The following BMP1 variants were observed in gnomAD, a reference collection of about 807,000 sequenced individuals.
The protein encoded by BMP1 is mammalian tolloid protein.
BMP1 carries 63 observed loss-of-function variants against 116.8 expected under a neutral mutation model. The observed-to-expected ratio is 0.54, with a 90% CI of 0.44 to 0.67. BMP1 has a LOEUF of 0.67. Among genes scored for constraint, BMP1 ranks in the 30% least tolerant of loss-of-function variants. BMP1 has a pLI of 0.00. For synonymous variants in BMP1, 536 were observed against 533.4 expected (o/e 1.00, Z -0.07); for missense variants, 1,183 against 1,358.9 (o/e 0.87, Z 2.04).
chr8:22,190,087 A>AT (rs932509274), intron 8 of BMP1, among the ~76,000 whole-genome samples: 40 of 150,684 alleles, frequency 2.7e-4, no homozygotes, highest in Admixed American at 6.0e-4. Context: ...CACCTGGCTA[A>AT]TTTTTTTTTG....
At chr8:22,189,460 A>T (rs1828869599) in intron 8 of BMP1, among the ~76,000 whole-genome samples, 1 of 146,082 alleles carries the variant, frequency 6.8e-6, no homozygotes, top group Admixed American at 7.1e-5. Context: ...ACACACACAC[A>T]CATATCTTAT....
chr8:22,200,694 C>T (rs1396317150), intron 15 of BMP1, among the ~76,000 whole-genome samples: 4 of 152,028 alleles, frequency 2.6e-5, no homozygotes, highest in Admixed American at 1.3e-4. Context: ...GGTGTATTTG[C>T]GAGTGCGTGT....
At chr8:22,195,366 G>A in intron 12 of BMP1, 96 bp from the exon 13 acceptor site, 1 of 1,464,458 alleles carries the variant, frequency 6.8e-7, no homozygotes, top group Non-Finnish European at 9.1e-7. Flanking sequence ...TCGGGGAGCT[G>A]GGTGGGTCTT....
Position 22,191,878 on chromosome 8 carries a change from A to C in BMP1, c.1078-171A>C, listed in dbSNP as rs558171243. ...TAGGAAGAAAGCTGACCATACACAGACAACTGTGGAGGAGGGGCGGTTCTG... is the reference window on the plus strand; with the variant it reads ...TAGGAAGAAAGCTGACCATACACAGCCAACTGTGGAGGAGGGGCGGTTCTG... On this transcript the variant is annotated intron_variant, in intron 8 of 19. Transcript: ENST00000306385. 5.9e-5 allele frequency among the ~76,000 whole-genome samples: 9 copies of C among 152,320 alleles called. No homozygotes were observed. In the East Asian group the frequency reaches 1.4e-3, roughly 23 times the overall value.
chr8:22,195,542 T>C lies in BMP1; in HGVS notation c.1720T>C (p.Cys574Arg). The change falls in exon 13 of 20, where the codon TGT (cysteine) becomes CGT (arginine). Residue 574 changes from cysteine (C) to arginine (R), a missense_variant. Coordinates refer to ENST00000306385, the MANE Select transcript of BMP1 (RefSeq NM_006129.5). Reference protein sequence around the residue: ...LNTLGSYKCSCDPGYELAPDK... With the variant: ...LNTLGSYKCSRDPGYELAPDK... ...CACCCTGGGCAGCTACAAGTGCAGC[T>C]GTGACCCCGGGTACGAGCTGGCCCC... 1 of 1,612,652 alleles carries C rather than the reference T, an allele frequency of 6.2e-7. No individual in the cohort carries two copies. Among genetic ancestry groups the C allele is most frequent in the Non-Finnish European group, 8.5e-7 (1 of 1,179,778 alleles).
chr8:22,196,897 G>T, intron 14 of BMP1, 57 bp downstream of exon 14: 1 of 1,554,604 alleles, frequency 6.4e-7, no homozygotes. Context: ...TGGGCATTCA[G>T]CTCAGTGCCT....
intron 16 of BMP1, among the ~76,000 whole-genome samples, chr8:22,203,174 C>T (rs994880113): frequency 6.6e-6 from 1 of 152,306 alleles, no homozygotes; most frequent in East Asian, 1.9e-4. Context: ...CAGCACAACA[C>T]AGACTTGCCT....
chr8:22,192,530 T>C (rs144395234), intron 9 of BMP1, among the ~76,000 whole-genome samples: 1 of 152,224 alleles, frequency 6.6e-6, no homozygotes, highest in African/African-American at 2.4e-5. Context: ...CCACTATTTT[T>C]TTCTATCTGC....
intron 2 of BMP1, 59 bp from the exon 3 acceptor site, chr8:22,176,084 T>C (rs903697533): frequency 1.3e-5 from 21 of 1,558,720 alleles, no homozygotes; most frequent in Non-Finnish European, 1.7e-5. Context: ...GGTTTGACTA[T>C]GCTTTTGCTT....
At position 22,181,440 on chromosome 8, in the gene BMP1, A is replaced by G. The variant is rs562559709; in HGVS notation, c.1077+957A>G. 4.6e-5 allele frequency among the ~76,000 whole-genome samples: 7 copies of G among 152,186 alleles called. No individual in the cohort carries two copies. The South Asian group carries it at 1.2e-3, about 27-fold the overall frequency. On this transcript the variant is annotated intron_variant, in intron 8 of 19. Transcript: ENST00000306385. ...ACACCGAGTGTGGGGAGGGCCCCCG[A>G]GCCTGTCCGGTCAGGTTTCCCACTG...
At chr8:22,168,485 A>G (rs970245836) in intron 1 of BMP1, among the ~76,000 whole-genome samples, 1 of 152,136 alleles carries the variant, frequency 6.6e-6, no homozygotes, top group African/African-American at 2.4e-5. Context: ...GGCTAGAAGC[A>G]TGTCACACCC....
intron 15 of BMP1, 130 bp from the exon 16 acceptor site, chr8:22,201,673 C>A: frequency 6.8e-7 from 1 of 1,468,962 alleles, no homozygotes. Context: ...GGCCACCTGG[C>A]CTGGCCAGCT....
chr8:22,165,667 C>A, intron 1 of BMP1, 114 bp downstream of exon 1: 10 of 1,045,376 alleles, frequency 9.6e-6, no homozygotes, highest in Non-Finnish European at 1.0e-5. Flanking sequence ...GCCTGGTTGG[C>A]AATGCAGTGG....
chr8:22,183,009 A>T, intron 8 of BMP1, among the ~76,000 whole-genome samples: 1 of 152,234 alleles, frequency 6.6e-6, no homozygotes, highest in South Asian at 2.1e-4. Context: ...GATCATTCTT[A>T]CGTGGACAGA....
At chr8:22,167,036 G>A (rs1264653221) in intron 1 of BMP1, among the ~76,000 whole-genome samples, 2 of 152,206 alleles carry the variant, frequency 1.3e-5, no homozygotes, top group Non-Finnish European at 2.9e-5. Flanking sequence ...TTGGTGGTAA[G>A]GGTTAAATAT....
Position 22,176,055 on chromosome 8 carries a change from C to T in BMP1, c.263-88C>T, listed in dbSNP as rs564812754. 19 of 1,411,842 alleles carry T rather than the reference C, an allele frequency of 1.3e-5. No homozygotes were observed. The African/African-American group carries it at 2.1e-4, about 16-fold the overall frequency. 87.5% of individuals were successfully genotyped at this position (1,411,842 alleles called of 1,614,324 possible). On this transcript the variant is annotated intron_variant, in intron 2 of 19. Transcript: ENST00000306385. ...TAGCCAGTAGACAAATTTGCAAGCA[C>T]AGAATCCATGAAAAATGAGGTTTGA... is the stretch of plus-strand genomic sequence containing the variant.
chr8:22,209,708 C>T lies in BMP1; in HGVS notation c.2826+13C>T, dbSNP rs759001481. The T allele has an allele frequency of 3.7e-6, 6 of 1,611,420 alleles. No individual in the cohort carries two copies. Among genetic ancestry groups the T allele is most frequent in the East Asian group, 2.2e-5 (1 of 44,858 alleles). ...CTGTGGCTCAGGGGTGAGGCCCCCACCCCTCGCCCTCCTGGCCCCATGCCC... is the reference window on the plus strand; with the variant it reads ...CTGTGGCTCAGGGGTGAGGCCCCCATCCCTCGCCCTCCTGGCCCCATGCCC... On this transcript the variant is annotated intron_variant, in intron 19 of 19. Coordinates refer to ENST00000306385, the MANE Select transcript of BMP1 (RefSeq NM_006129.5).
At position 22,197,230 on chromosome 8, in the gene BMP1, T is replaced by G; in HGVS notation, c.1927-10T>G. The G allele has an allele frequency of 6.2e-7, 1 of 1,602,942 alleles. No homozygotes were observed. Among genetic ancestry groups the G allele is most frequent in the Non-Finnish European group, 8.5e-7 (1 of 1,170,888 alleles). ...GGAGGAGGCGGGCCTGGAGCTGGGC[T>G]TCCCTGCAGGTGTGCAAGTACGACT... On this transcript the variant is annotated splice_polypyrimidine_tract_variant and intron_variant, in intron 14 of 19. Coordinates refer to ENST00000306385, the MANE Select transcript of BMP1 (RefSeq NM_006129.5).
rs924466815 is a variant in BMP1 at position 22,179,081 on chromosome 8, G to A, written c.837-624G>A. ...GCCCTGGGGAGGTGGAGGGCTGCCT[G>A]CCTCCCCTTCACTCTGCTCCTCCCA... is the stretch of plus-strand genomic sequence containing the variant. On this transcript the variant is annotated intron_variant, in intron 6 of 19. Transcript: ENST00000306385. This position sits in a 1 kb window ranked among gnomAD's most constrained non-coding sequence, Gnocchi z 4.6. 6.6e-6 allele frequency among the ~76,000 whole-genome samples: 1 copy of A among 152,168 alleles called. No homozygotes were observed. Among genetic ancestry groups the A allele is most frequent in the African/African-American group, 2.4e-5 (1 of 41,436 alleles).
Sources: gnomAD v4.1 joint callset for allele counts (sites outside exome capture counted in the v4.1 genomes callset) on GRCh38, gnomAD v4.1.1 for gene constraint, Gnocchi (gnomAD v3.1) non-coding constraint, MANE v1.5 for transcripts, NCBI Gene and HGNC (gene_info 2026-07-23, HGNC 2026-07-21) for gene names.